ECE1: variants seen among roughly 807,000 people sequenced by gnomAD.
ECE1 encodes the protein endothelin converting enzyme 1, also known as endothelin-converting enzyme 1.
Under a neutral mutation model 98.6 loss-of-function variants are expected in ECE1, and 35 were observed. That is an observed-to-expected ratio of 0.35 (90% CI 0.27 to 0.47). The LOEUF (loss-of-function observed/expected upper bound fraction) is 0.47, where lower values mean the gene tolerates loss of function less well. ECE1 is among the 20% of genes least tolerant of loss of function. The probability of loss-of-function intolerance (pLI) is 1.00; values close to 1 mark genes in which losing one functional copy is unlikely to be tolerated. For synonymous variants in ECE1, 394 were observed against 407.1 expected, an observed-to-expected ratio of 0.97 and a Z score of 0.39; for missense variants, 814 against 1,025.3, an observed-to-expected ratio of 0.79 and a Z score of 2.81.
chr1:21,289,027 G>A (rs1173351206), intron 2 of ECE1, among the ~76,000 whole-genome samples: 1 of 152,188 alleles, frequency 6.6e-6, no homozygotes, highest in Non-Finnish European at 1.5e-5. Flanking sequence ...GTCTCCCTGC[G>A]CTGGGAGGAT....
intron 1 of ECE1, among the ~76,000 whole-genome samples, chr1:21,314,882 CTGTT>C (rs1305796062): frequency 6.6e-6 from 1 of 152,260 alleles, no homozygotes; most frequent in East Asian, 1.9e-4. Context: ...CGCATAGAAA[CTGTT>C]TGACCTATGG....
At chr1:21,317,715 C>T (rs996534018) in intron 1 of ECE1, among the ~76,000 whole-genome samples, 1 of 152,226 alleles carries the variant, frequency 6.6e-6, no homozygotes. Flanking sequence ...TTCGGCCTCT[C>T]CTGAGCCCCT....
upstream of ECE1, chr1:21,290,546 G>A: frequency 8.4e-7 from 1 of 1,189,196 alleles, no homozygotes; most frequent in Non-Finnish European, 1.0e-6. The surrounding 1 kb of genome is among the most constrained non-coding windows in gnomAD (Gnocchi z 7.3). Flanking sequence ...CCGGCCTCCC[G>A]GGGAGACCCC....
At chr1:21,262,378 G>C (rs188063414) in intron 4 of ECE1, among the ~76,000 whole-genome samples, 1 of 152,216 alleles carries the variant, frequency 6.6e-6, no homozygotes, top group African/African-American at 2.4e-5. Context: ...AGATCAGGGA[G>C]AGCAAAAGGG....
chr1:21,266,812 C>G (rs1352715731), intron 4 of ECE1: 1 of 152,186 alleles, frequency 6.6e-6, no homozygotes, highest in Non-Finnish European at 1.5e-5. Flanking sequence ...AGGACTGGAG[C>G]CTAAGCCTTT....
intron 1 of ECE1, among the ~76,000 whole-genome samples, chr1:21,326,538 C>G (rs1214498576): frequency 2.0e-5 from 3 of 151,648 alleles, no homozygotes; most frequent in Admixed American, 2.0e-4. Context: ...GGCCTGAACC[C>G]CAAAGAGAGA....
chr1:21,236,237 C>T (rs919786659), intron 12 of ECE1, among the ~76,000 whole-genome samples: 2 of 152,278 alleles, frequency 1.3e-5, no homozygotes, highest in East Asian at 1.9e-4. Context: ...GTACACTCAG[C>T]GAGGTTTGTC....
rs373888124 is a variant in ECE1, at chr1:21,284,988, G to T, written c.138+5082C>A. On this transcript the variant is annotated intron_variant, in intron 2 of 18. Coordinates refer to ENST00000374893, the MANE Select transcript of ECE1 (RefSeq NM_001397.3). Reference sequence around the variant, plus strand: ...CCAGCCTGCGAGGAACCCTGCCTCCGAAAGTTCCCCAAAGTCAGTTTGGGG... The same window carrying T: ...CCAGCCTGCGAGGAACCCTGCCTCCTAAAGTTCCCCAAAGTCAGTTTGGGG... 4.9e-4 allele frequency among the ~76,000 whole-genome samples: 75 copies of T among 152,236 alleles called. No homozygotes were observed. In the East Asian group the frequency reaches 8.1e-3, roughly 16 times the overall value.
intron 1 of ECE1, among the ~76,000 whole-genome samples, chr1:21,302,569 G>A (rs1206835746): frequency 6.6e-6 from 1 of 152,190 alleles, no homozygotes; most frequent in Admixed American, 6.5e-5. Flanking sequence ...GGATCTGGAT[G>A]TGTCTGCTGG....
intron 16 of ECE1, among the ~76,000 whole-genome samples, chr1:21,226,680 G>T (rs2103215132): frequency 6.6e-6 from 1 of 152,150 alleles, no homozygotes; most frequent in African/African-American, 2.4e-5. Flanking sequence ...TTAAAATTTT[G>T]CCACCACACC....
chr1:21,228,081 G>C, intron 14 of ECE1, 40 bp from the exon 15 acceptor site: 2 of 1,508,360 alleles, frequency 1.3e-6, no homozygotes, highest in African/African-American at 1.4e-5. Context: ...AGCACAGGGC[G>C]GGAGGCAGGT....
At chr1:21,261,608 C>T (rs1381261535) in intron 4 of ECE1, among the ~76,000 whole-genome samples, 1 of 152,194 alleles carries the variant, frequency 6.6e-6, no homozygotes, top group African/African-American at 2.4e-5. Context: ...CCGTGAGCTC[C>T]TTGGGACAGA....
At chr1:21,249,232 A>C (rs947432357) in intron 8 of ECE1, among the ~76,000 whole-genome samples, 7 of 151,034 alleles carry the variant, frequency 4.6e-5, no homozygotes, top group African/African-American at 1.7e-4. Context: ...AGTCCCAGCT[A>C]CTCGGGATGC....
upstream of ECE1, among the ~76,000 whole-genome samples, chr1:21,292,662 C>A (rs563484335): frequency 2.0e-5 from 3 of 152,340 alleles, no homozygotes; most frequent in Admixed American, 2.0e-4. Context: ...TCACCCGGCA[C>A]AGAGTAGGTG....
chr1:21,232,537 C>A lies in ECE1; in HGVS notation c.1670+1021G>T, dbSNP rs1455663406. On this transcript the variant is annotated intron_variant, in intron 14 of 18. Coordinates refer to ENST00000374893, the MANE Select transcript of ECE1 (RefSeq NM_001397.3). ...CTGGTCTTGAAGTCTTAGGCTCAAG[C>A]GATCTGCCCACCTCAGCCTGCAAAG... is the stretch of plus-strand genomic sequence containing the variant. 3.3e-5 allele frequency among the ~76,000 whole-genome samples: 5 copies of A among 151,996 alleles called. No homozygotes were observed. In the East Asian group the frequency reaches 5.8e-4, roughly 18 times the overall value.
At chr1:21,335,012 C>A (rs1569784199) in intron 1 of ECE1, among the ~76,000 whole-genome samples, 1 of 152,138 alleles carries the variant, frequency 6.6e-6, no homozygotes, top group Admixed American at 6.5e-5. Context: ...GAAATGCTGA[C>A]CCCTGCCCCA....
chr1:21,253,522 G>C (rs1050704215), intron 8 of ECE1, among the ~76,000 whole-genome samples: 2 of 151,584 alleles, frequency 1.3e-5, no homozygotes, highest in African/African-American at 4.8e-5. Context: ...CAACACTCTG[G>C]GAGGCCGAGG....
At chr1:21,342,147 A>G (rs553027028) in intron 1 of ECE1, among the ~76,000 whole-genome samples, 9 of 152,190 alleles carry the variant, frequency 5.9e-5, no homozygotes, top group African/African-American at 2.2e-4. Context: ...GCTGTATAGT[A>G]AAGAGCATTC....
intron 1 of ECE1, among the ~76,000 whole-genome samples, chr1:21,321,659 A>C (rs2103402830): frequency 6.6e-6 from 1 of 152,320 alleles, no homozygotes; most frequent in East Asian, 1.9e-4. Context: ...TCTGTTGCCC[A>C]GGCTGGAGTG....
Sources: allele counts gnomAD v4.1 joint callset (sites outside exome capture counted in the v4.1 genomes callset), GRCh38; gene constraint gnomAD v4.1.1; non-coding constraint Gnocchi (gnomAD v3.1); transcripts MANE v1.5; gene names NCBI Gene and HGNC (gene_info 2026-07-23, HGNC 2026-07-21).